The following KCNT1 variants were observed in gnomAD, a reference collection of about 807,000 sequenced individuals.
The protein encoded by KCNT1 is potassium channel subfamily T member 1.
Under a neutral mutation model 147.8 loss-of-function variants are expected in KCNT1, and 78 were observed. The ratio of observed to expected loss-of-function variants is 0.53; its 90% CI spans 0.44 to 0.64. The LOEUF (loss-of-function observed/expected upper bound fraction) is 0.64, where lower values mean the gene tolerates loss of function less well. KCNT1 is among the 30% of genes least tolerant of loss of function. The pLI is 0.00. For synonymous variants in KCNT1, 867 were observed against 748.8 expected (o/e 1.16, Z -2.58); for missense variants, 1,419 against 1,750.3 (o/e 0.81, Z 3.38).
chr9:135,732,662 A>C (rs1008066184), intron 2 of KCNT1, among the ~76,000 whole-genome samples: 4 of 152,082 alleles, frequency 2.6e-5, no homozygotes, highest in Non-Finnish European at 5.9e-5. Flanking sequence ...AAGTTGACAC[A>C]GTGCCCAAAT....
At chr9:135,784,685 G>T in intron 26 of KCNT1, 67 bp downstream of exon 26, 1 of 1,608,714 alleles carries the variant, frequency 6.2e-7, no homozygotes, top group South Asian at 1.1e-5. Context: ...ATGGGCACCT[G>T]CCCCTGATTC....
intron 11 of KCNT1, among the ~76,000 whole-genome samples, chr9:135,764,727 G>C (rs975563463): frequency 1.3e-5 from 2 of 152,154 alleles, no homozygotes; most frequent in African/African-American, 4.8e-5. Flanking sequence ...CATCAAGAGA[G>C]TGATCCCCAA....
Position 135,787,302 on chromosome 9 carries a change from G to A in KCNT1, c.3502+781G>A, listed in dbSNP as rs150601717. ...CGGGGCCCTACATGCCCTGCCTGGC[G>A]TGGAGAGAAGCTCATCCCCTCCCTC... On this transcript the variant is annotated intron_variant, in intron 29 of 30. Transcript: ENST00000371757. 2.0e-3 allele frequency among the ~76,000 whole-genome samples: 310 copies of A among 152,322 alleles called. 1 individual carries two copies. Among genetic ancestry groups the A allele is most frequent in the African/African-American group, 5.6e-3 (233 of 41,572 alleles).
At chr9:135,779,638 TTGA>T (rs1442169240) in intron 24 of KCNT1, among the ~76,000 whole-genome samples, 168 bp downstream of exon 24, 1 of 152,214 alleles carries the variant, frequency 6.6e-6, no homozygotes, top group Non-Finnish European at 1.5e-5. Flanking sequence ...CAGGGTGCTC[TTGA>T]TGGTGGAACC....
chr9:135,768,327 G>A (rs1292456193), intron 13 of KCNT1: 1 of 226,182 alleles, frequency 4.4e-6, no homozygotes, highest in Non-Finnish European at 7.3e-6. Context: ...GCCCGTGGGG[G>A]ACACTGTGAT....
chr9:135,753,263 GAA>G (rs926259673), intron 4 of KCNT1, among the ~76,000 whole-genome samples: 1 of 152,182 alleles, frequency 6.6e-6, no homozygotes, highest in African/African-American at 2.4e-5. Flanking sequence ...TCAGTTGAAA[GAA>G]AAGACAAGAG....
intron 2 of KCNT1, among the ~76,000 whole-genome samples, chr9:135,723,566 C>T (rs775504848): frequency 5.3e-5 from 8 of 152,188 alleles, no homozygotes; most frequent in Non-Finnish European, 1.0e-4. Flanking sequence ...GCTGTGCCCA[C>T]GCGTCTGCTG....
intron 2 of KCNT1, among the ~76,000 whole-genome samples, chr9:135,729,684 G>A (rs1300456048): frequency 1.3e-5 from 2 of 152,238 alleles, no homozygotes; most frequent in Non-Finnish European, 2.9e-5. Flanking sequence ...TGGCCTCTCT[G>A]TGGGTGGTTC....
intron 19 of KCNT1, among the ~76,000 whole-genome samples, 198 bp downstream of exon 19, chr9:135,773,147 C>T (rs1432764986): frequency 2.0e-5 from 3 of 152,208 alleles, no homozygotes; most frequent in South Asian, 2.1e-4. Context: ...CCCTCGTCGC[C>T]GGGGAGCACT....
intron 2 of KCNT1, among the ~76,000 whole-genome samples, chr9:135,744,163 G>A (rs918660669): frequency 1.1e-4 from 16 of 152,372 alleles, no homozygotes; most frequent in African/African-American, 3.4e-4. Context: ...CTGGTGTGGA[G>A]CTTCCCGGCA....
At chr9:135,780,174 C>T (rs982355373) in intron 24 of KCNT1, among the ~76,000 whole-genome samples, 1 of 152,032 alleles carries the variant, frequency 6.6e-6, no homozygotes, top group Non-Finnish European at 1.5e-5. Flanking sequence ...CAAGCTGGGA[C>T]AGCACCACCT....
At position 135,732,024 on chromosome 9, in the gene KCNT1, A is replaced by AGG. The variant is rs1554766181; in HGVS notation, c.254+17305_254+17306insGG. 2.7e-3 allele frequency among the ~76,000 whole-genome samples: 177 copies of AGG among 65,090 alleles called. 6 individuals are homozygous for AGG. The highest frequency in any genetic ancestry group is 0.011 in the Middle Eastern group (2 of 180). The allele number at this position is 65,090 out of a possible 152,430, so 42.7% of individuals were successfully genotyped here. A position where few individuals can be genotyped will look rare whatever the true frequency, so the allele number is the denominator to read the frequency against. The stretch of plus-strand genomic sequence containing the variant: ...GAGAGAGAGAGAGAGAGAGAGAGAG[A>AGG]GAGAGAGAGAGAGAGAGGGAGTCTC... On this transcript the variant is annotated intron_variant, in intron 2 of 30. Transcript: ENST00000371757.
At chr9:135,719,092 G>A (rs1312140822) in intron 2 of KCNT1, among the ~76,000 whole-genome samples, 4 of 152,228 alleles carry the variant, frequency 2.6e-5, no homozygotes, top group Admixed American at 2.6e-4. Flanking sequence ...GGAGCCCCTT[G>A]AGCCATGCTG....
chr9:135,718,744 G>C (rs1835813095), intron 2 of KCNT1, among the ~76,000 whole-genome samples: 1 of 152,226 alleles, frequency 6.6e-6, no homozygotes, highest in Non-Finnish European at 1.5e-5. Flanking sequence ...CCCCTGGCAG[G>C]CTGTGAGCGA....
chr9:135,717,266 G>A (rs142107943), intron 2 of KCNT1, among the ~76,000 whole-genome samples: 1 of 151,620 alleles, frequency 6.6e-6, no homozygotes, highest in Non-Finnish European at 1.5e-5. Flanking sequence ...CTCTTGTGGT[G>A]TTGGTGTCTA....
chr9:135,755,189 C>G lies in KCNT1; in HGVS notation c.540+20C>G. 6.3e-7 allele frequency: 1 copy of G among 1,599,390 alleles called. No individual in the cohort carries two copies. The highest frequency in any genetic ancestry group is 1.3e-5 in the African/African-American group (1 of 74,304). The stretch of plus-strand genomic sequence containing the variant: ...ATCCAGGTGAGTGCCCTACCCTGCC[C>G]CCCTCCCGACTGCAGTGGTGCTCAG... On this transcript the variant is annotated intron_variant, in intron 6 of 30. Transcript: ENST00000371757.
intron 15 of KCNT1, among the ~76,000 whole-genome samples, 189 bp downstream of exon 15, chr9:135,769,126 C>A (rs1382380286): frequency 1.7e-5 from 1 of 58,608 alleles, no homozygotes; most frequent in African/African-American, 7.3e-5. Flanking sequence ...GGTGTCGGTG[C>A]GTCTGGGGCA....
chr9:135,725,058 G>A (rs1323530603), intron 2 of KCNT1, among the ~76,000 whole-genome samples: 1 of 152,212 alleles, frequency 6.6e-6, no homozygotes, highest in Non-Finnish European at 1.5e-5. Flanking sequence ...TGCGTGGGGG[G>A]GCGTGTGGTG....
intron 1 of KCNT1, among the ~76,000 whole-genome samples, chr9:135,707,123 A>C (rs1336090760): frequency 2.2e-5 from 3 of 136,632 alleles, no homozygotes; most frequent in East Asian, 4.1e-4. Flanking sequence ...CTGTCTCTAC[A>C]AAAAAAAAAA....
Sources: allele counts gnomAD v4.1 joint callset (sites outside exome capture counted in the v4.1 genomes callset), GRCh38; gene constraint gnomAD v4.1.1; transcripts MANE v1.5; gene names NCBI Gene and HGNC (gene_info 2026-07-23, HGNC 2026-07-21).